Variants in ENTREP1 observed in about 807,000 individuals in gnomAD.
The protein encoded by ENTREP1 is Friedreich ataxia region gene X123.
chr9:69,385,774 TTTTTTTTTTTTTTA>T, the ENTREP1 span: 203 of 1,348,162 alleles, frequency 1.5e-4, no homozygotes, highest in African/African-American at 3.3e-3. Context: ...TTTTTTTTTT[TTTTTTTTTTTTTTA>T]AATCAGATGG....
chr9:69,350,512 G>A, the ENTREP1 span, among the ~76,000 whole-genome samples: 2 of 152,016 alleles, frequency 1.3e-5, no homozygotes, highest in Non-Finnish European at 2.9e-5. Flanking sequence ...TTGTTTTCTG[G>A]CCTGTTGCAC....
the ENTREP1 span, among the ~76,000 whole-genome samples, chr9:69,357,765 G>C: frequency 6.6e-6 from 1 of 152,134 alleles, no homozygotes; most frequent in East Asian, 1.9e-4. Context: ...GTGGTGCTGG[G>C]CTGTCAATCC....
the ENTREP1 span, among the ~76,000 whole-genome samples, chr9:69,338,299 G>A: frequency 2.0e-4 from 30 of 152,226 alleles, no homozygotes; most frequent in Non-Finnish European, 3.4e-4. Flanking sequence ...GTGTTTATAC[G>A]AATATTTGGT....
the ENTREP1 span, chr9:69,385,965 G>A: frequency 6.3e-7 from 1 of 1,594,522 alleles, no homozygotes; most frequent in East Asian, 2.3e-5. Context: ...CATTCCCCAA[G>A]CTCTTCGCAG....
the ENTREP1 span, chr9:69,380,745 A>G: frequency 6.6e-6 from 1 of 152,236 alleles, no homozygotes; most frequent in South Asian, 2.1e-4. Flanking sequence ...TTTCTTGAAC[A>G]TGGATCTGGT....
chr9:69,340,911 C>G, the ENTREP1 span, among the ~76,000 whole-genome samples: 1 of 151,866 alleles, frequency 6.6e-6, no homozygotes, highest in African/African-American at 2.4e-5. Context: ...AGACATCATT[C>G]CTCTTTCATT....
chr9:69,380,862 C>G, the ENTREP1 span: 1 of 152,674 alleles, frequency 6.5e-6, no homozygotes, highest in African/African-American at 2.4e-5. Flanking sequence ...CCCCCAAACC[C>G]CACTCATTTC....
the ENTREP1 span, among the ~76,000 whole-genome samples, chr9:69,371,852 A>G: frequency 2.0e-5 from 3 of 152,232 alleles, no homozygotes; most frequent in Admixed American, 2.0e-4. Context: ...ATAATGCATC[A>G]TTAGTTAGTG....
chr9:69,325,333 G>T, the ENTREP1 span: 1 of 1,184,236 alleles, frequency 8.4e-7, no homozygotes, highest in Non-Finnish European at 1.0e-6. Context: ...TGGTGCTCCC[G>T]GGCTCCTGCT....
At chr9:69,356,733 A>G in the ENTREP1 span, among the ~76,000 whole-genome samples, 2 of 152,228 alleles carry the variant, frequency 1.3e-5, no homozygotes, top group African/African-American at 4.8e-5. Flanking sequence ...CAAGGGGCAT[A>G]GCAGATCTGG....
chr9:69,350,522 C>A, the ENTREP1 span, among the ~76,000 whole-genome samples: 1 of 152,210 alleles, frequency 6.6e-6, no homozygotes, highest in Non-Finnish European at 1.5e-5. Context: ...GCCTGTTGCA[C>A]AGATGTCATC....
the ENTREP1 span, among the ~76,000 whole-genome samples, chr9:69,390,563 C>G: frequency 6.6e-6 from 1 of 152,132 alleles, no homozygotes; most frequent in Non-Finnish European, 1.5e-5. Flanking sequence ...AGACTTTTTA[C>G]AAATAAATTG....
chr9:69,377,240 C>G, the ENTREP1 span: 3 of 685,560 alleles, frequency 4.4e-6, no homozygotes, highest in Admixed American at 4.3e-5. Flanking sequence ...CCATCTAAGT[C>G]CTTTACATGC....
chr9:69,366,653 G>A, the ENTREP1 span, among the ~76,000 whole-genome samples: 1 of 151,920 alleles, frequency 6.6e-6, no homozygotes, highest in African/African-American at 2.4e-5. Context: ...TTTTCTTCTA[G>A]CAGTTTCCTA....
chr9:69,383,348 A>G, the ENTREP1 span: 1 of 1,160,368 alleles, frequency 8.6e-7, no homozygotes, highest in Non-Finnish European at 1.1e-6. Context: ...CCTGGCAGCC[A>G]CTAATCTGCT....
chr9:69,336,254 G>A, the ENTREP1 span: 2 of 1,589,384 alleles, frequency 1.3e-6, no homozygotes, highest in Non-Finnish European at 1.7e-6. Flanking sequence ...CTTGGAAAAG[G>A]CCTATGATAC....
chr9:69,382,941 A>G, the ENTREP1 span: 69 of 842,166 alleles, frequency 8.2e-5, no homozygotes, highest in Middle Eastern at 1.2e-3. Context: ...TATGTATTTT[A>G]TAAATTATTT....
At chr9:69,352,772 T>C in the ENTREP1 span, among the ~76,000 whole-genome samples, 1 of 152,142 alleles carries the variant, frequency 6.6e-6, no homozygotes, top group Non-Finnish European at 1.5e-5. Flanking sequence ...TAATGGACCA[T>C]AGTGATTGAT....
At chr9:69,342,335 T>G in the ENTREP1 span, among the ~76,000 whole-genome samples, 14 of 152,210 alleles carry the variant, frequency 9.2e-5, no homozygotes, top group African/African-American at 3.1e-4. Flanking sequence ...ACCCAGGGAT[T>G]TGGGCTCCTA....
Sources: gnomAD v4.1 joint callset for allele counts (sites outside exome capture counted in the v4.1 genomes callset) on GRCh38, gnomAD v4.1.1 for gene constraint, MANE v1.5 for transcripts, NCBI Gene and HGNC (gene_info 2026-07-23, HGNC 2026-07-21) for gene names.